Variants in UNC5B observed in about 807,000 individuals in gnomAD.
UNC5B encodes the protein netrin receptor UNC5B.
In UNC5B, 56 loss-of-function variants were observed where a neutral mutation model predicts 103.7. The ratio of observed to expected loss-of-function variants is 0.54; its 90% CI spans 0.44 to 0.67. UNC5B has a LOEUF of 0.67. UNC5B is among the 30% of genes least tolerant of loss of function. The pLI is 0.00. For missense variants in UNC5B, 1,194 were observed against 1,284.5 expected (o/e 0.93, Z 1.08); for synonymous variants, 577 against 542.0 (o/e 1.06, Z -0.90).
rs766892447 is a variant in UNC5B, at chr10:71,292,563, A to C, written c.1772+9A>C. On this transcript the variant is annotated intron_variant, in intron 11 of 16. Coordinates refer to ENST00000335350, the MANE Select transcript of UNC5B (RefSeq NM_170744.5). ...AAGGCAGAAAGTACCCTGTGAGTAGAGCCCCAGCCGCTGCTCCTTTTTCTT... is the reference window on the plus strand; with the variant it reads ...AAGGCAGAAAGTACCCTGTGAGTAGCGCCCCAGCCGCTGCTCCTTTTTCTT... 6.3e-7 allele frequency: 1 copy of C among 1,591,088 alleles called. No homozygotes were observed. Among genetic ancestry groups the C allele is most frequent in the Admixed American group, 1.8e-5 (1 of 56,894 alleles).
rs553605545 is a variant in UNC5B at position 71,256,668 on chromosome 10, A to C, written c.80-23153A>C. ...GACTGGCTTCTCCAGGGCCCCCAGA[A>C]GGGAGCCAAGAGGTGGGCCAGGAGC... On this transcript the variant is annotated intron_variant, in intron 1 of 16. Coordinates refer to ENST00000335350, the MANE Select transcript of UNC5B (RefSeq NM_170744.5). Among the ~76,000 whole-genome samples the C allele has an allele frequency of 2.6e-5, 4 of 152,344 alleles. No homozygotes were observed. In the East Asian group the frequency reaches 7.7e-4, roughly 29 times the overall value.
intron 1 of UNC5B, among the ~76,000 whole-genome samples, chr10:71,269,059 G>A (rs1844585809): frequency 2.0e-5 from 3 of 152,314 alleles, no homozygotes; most frequent in South Asian, 2.1e-4. Context: ...GATGCCCAGC[G>A]TGTTCTGCTT....
intron 1 of UNC5B, among the ~76,000 whole-genome samples, chr10:71,267,766 C>T (rs552791842): frequency 6.6e-5 from 10 of 152,340 alleles, no homozygotes; most frequent in African/African-American, 2.2e-4. Flanking sequence ...CAGGCCTTCC[C>T]TTTGGCCAGT....
intron 2 of UNC5B, among the ~76,000 whole-genome samples, chr10:71,280,480 C>G (rs938049401): frequency 6.6e-6 from 1 of 152,202 alleles, no homozygotes; most frequent in Non-Finnish European, 1.5e-5. Flanking sequence ...AATGATATGG[C>G]ATTTCCTGTG....
At chr10:71,291,244 G>T in intron 9 of UNC5B, 135 bp downstream of exon 9, 1 of 1,317,702 alleles carries the variant, frequency 7.6e-7, no homozygotes, top group South Asian at 1.4e-5. Context: ...ATAACTATGT[G>T]GATGGGTATG....
chr10:71,270,517 A>G (rs1439225049), intron 1 of UNC5B, among the ~76,000 whole-genome samples: 1 of 152,060 alleles, frequency 6.6e-6, no homozygotes, highest in Non-Finnish European at 1.5e-5. Flanking sequence ...TTATGAGATC[A>G]CTCTGGTGTT....
At position 71,291,001 on chromosome 10, in the gene UNC5B, G is replaced by A. The variant is rs776797400; in HGVS notation, c.1186G>A (p.Val396Met). 5 of 1,613,948 alleles carry A rather than the reference G, an allele frequency of 3.1e-6. No individual in the cohort carries two copies. The highest frequency in any genetic ancestry group is 2.5e-6 in the Non-Finnish European group (3 of 1,180,008). ...CGTGGCAATCCTCATGGCGGTGGGGGTGGTGGTGTACCGCCGCAACTGCCG... is the reference window on the plus strand; with the variant it reads ...CGTGGCAATCCTCATGGCGGTGGGGATGGTGGTGTACCGCCGCAACTGCCG... ...VVVAILMAVGVVVYRRNCRDF... is the reference protein window; with the variant it reads ...VVVAILMAVGMVVYRRNCRDF... Residue 396 changes from valine (V) to methionine (M), a missense_variant, in exon 9 of 17, where the codon GTG becomes ATG. Physicochemically the swap from Val to Met is conservative, Grantham distance 21 (BLOSUM62 1). Coordinates refer to ENST00000335350, the MANE Select transcript of UNC5B (RefSeq NM_170744.5).
intron 1 of UNC5B, among the ~76,000 whole-genome samples, chr10:71,230,697 C>G (rs2132249366): frequency 6.6e-6 from 1 of 152,370 alleles, no homozygotes; most frequent in South Asian, 2.1e-4. Context: ...TAGATCCCAC[C>G]AAATTCCAAA....
rs974991337 is a variant in UNC5B at position 71,279,892 on chromosome 10, C to G, written c.151C>G (p.Leu51Val). 1.1e-5 allele frequency: 17 copies of G among 1,613,880 alleles called. No individual in the cohort carries two copies. The highest frequency in any genetic ancestry group is 1.4e-5 in the Non-Finnish European group (17 of 1,179,994). The change falls in exon 2 of 17, where the codon CTG (leucine) becomes GTG (valine). Residue 51 changes from leucine to valine, a missense_variant. Coordinates refer to ENST00000335350, the MANE Select transcript of UNC5B (RefSeq NM_170744.5). ...GCCAGCAGAGCCGCTGCCCTACTTC[C>G]TGCAGGAGCCACAGGACGCCTACAT... The part of the protein sequence containing the change: ...SAPAEPLPYF[L>V]QEPQDAYIVK...
chr10:71,238,849 A>G (rs190785406), intron 1 of UNC5B, among the ~76,000 whole-genome samples: 1 of 152,238 alleles, frequency 6.6e-6, no homozygotes, highest in Non-Finnish European at 1.5e-5. Flanking sequence ...GCGCAATCAT[A>G]GCTCACTGCA....
At chr10:71,223,398 C>G (rs902477764) in intron 1 of UNC5B, among the ~76,000 whole-genome samples, 1 of 152,120 alleles carries the variant, frequency 6.6e-6, no homozygotes, top group African/African-American at 2.4e-5. Flanking sequence ...TTTTTCATTC[C>G]TTTGCTTCCA....
rs796578198 is a variant in UNC5B, at chr10:71,265,732, G to A, written c.80-14089G>A. Among the ~76,000 whole-genome samples the A allele has an allele frequency of 3.3e-5, 5 of 152,320 alleles. 1 individual carries two copies. Among genetic ancestry groups the A allele is most frequent in the African/African-American group, 1.2e-4 (5 of 41,584 alleles). On this transcript the variant is annotated intron_variant, in intron 1 of 16. Coordinates refer to ENST00000335350, the MANE Select transcript of UNC5B (RefSeq NM_170744.5). ...AGGCTCTGGGCCAGCCGGGCAGCGAGCACAGTGGACGGGCTCCACCTTCCC... is the reference window on the plus strand; with the variant it reads ...AGGCTCTGGGCCAGCCGGGCAGCGAACACAGTGGACGGGCTCCACCTTCCC...
At chr10:71,295,992 A>G (rs768858324) in intron 14 of UNC5B, 32 bp downstream of exon 14, 43 of 1,611,992 alleles carry the variant, frequency 2.7e-5, no homozygotes, top group East Asian at 2.5e-4. Context: ...GGGGAGGGGC[A>G]CCACTTAAGG....
intron 1 of UNC5B, among the ~76,000 whole-genome samples, chr10:71,248,901 A>G (rs887350470): frequency 6.6e-6 from 1 of 151,228 alleles, no homozygotes; most frequent in Non-Finnish European, 1.5e-5. Flanking sequence ...ACACACACTC[A>G]TAGATGTAAA....
intron 1 of UNC5B, among the ~76,000 whole-genome samples, chr10:71,242,133 G>A (rs1467100235): frequency 6.6e-6 from 1 of 152,188 alleles, no homozygotes; most frequent in Non-Finnish European, 1.5e-5. Context: ...GGACATGGGG[G>A]GGCGTGGCAT....
intron 2 of UNC5B, 57 bp downstream of exon 2, chr10:71,280,102 GCC>G: frequency 6.3e-7 from 1 of 1,577,614 alleles, no homozygotes; most frequent in South Asian, 1.1e-5. Context: ...AGAGGCACAG[GCC>G]TAGCTCCATG....
chr10:71,243,349 C>T (rs1364953018), intron 1 of UNC5B, among the ~76,000 whole-genome samples: 1 of 152,188 alleles, frequency 6.6e-6, no homozygotes, highest in Non-Finnish European at 1.5e-5. Context: ...ACCTTCCCTG[C>T]AGCAGCACTG....
chr10:71,294,008 G>A, intron 13 of UNC5B, 75 bp downstream of exon 13: 1 of 1,365,990 alleles, frequency 7.3e-7, no homozygotes, highest in Non-Finnish European at 9.8e-7. Flanking sequence ...CCCCACCCCA[G>A]GCTCATGGGT....
chr10:71,237,223 C>G (rs1564710820), intron 1 of UNC5B, among the ~76,000 whole-genome samples: 1 of 152,214 alleles, frequency 6.6e-6, no homozygotes, highest in South Asian at 2.1e-4. Flanking sequence ...GTCACCAAGA[C>G]TCGTGTTTAT....
Sources: gnomAD v4.1 joint callset for allele counts (sites outside exome capture counted in the v4.1 genomes callset) on GRCh38, gnomAD v4.1.1 for gene constraint, MANE v1.5 for transcripts, NCBI Gene and HGNC (gene_info 2026-07-23, HGNC 2026-07-21) for gene names.